The following TBC1D5 variants were observed in gnomAD, a reference collection of about 807,000 sequenced individuals.
TBC1D5 encodes TBC1 domain family, member 5.
In TBC1D5, 75 loss-of-function variants were observed where a neutral mutation model predicts 100.3. The observed-to-expected ratio is 0.75, with a 90% CI of 0.62 to 0.91. The LOEUF is 0.91. Among genes scored for constraint, TBC1D5 ranks in the 40% least tolerant of loss-of-function variants. The probability of loss-of-function intolerance (pLI) is 0.00; values close to 1 mark genes in which losing one functional copy is unlikely to be tolerated. For missense variants in TBC1D5, 910 were observed against 942.4 expected (o/e 0.97, Z 0.45); for synonymous variants, 323 against 325.6 (o/e 0.99, Z 0.09).
intron 13 of TBC1D5, among the ~76,000 whole-genome samples, chr3:17,319,998 G>A (rs1477655112): frequency 1.3e-5 from 2 of 152,228 alleles, no homozygotes; most frequent in Non-Finnish European, 2.9e-5. Flanking sequence ...TTATGGTTGT[G>A]TAGTATTCCA....
chr3:17,544,910 A>G (rs2153431910), intron 2 of TBC1D5, among the ~76,000 whole-genome samples: 1 of 152,324 alleles, frequency 6.6e-6, no homozygotes, highest in South Asian at 2.1e-4. Flanking sequence ...ACGTGGCATT[A>G]ATTACAAAGG....
intron 1 of TBC1D5, among the ~76,000 whole-genome samples, chr3:17,710,696 C>CTTAT (rs1166063616): frequency 6.6e-6 from 1 of 151,124 alleles, no homozygotes; most frequent in Non-Finnish European, 1.5e-5. Flanking sequence ...TATTTATTTA[C>CTTAT]TTATTTATTT....
chr3:17,500,975 T>C (rs2095781276), intron 3 of TBC1D5, among the ~76,000 whole-genome samples: 1 of 149,600 alleles, frequency 6.7e-6, no homozygotes, highest in South Asian at 2.1e-4. Context: ...CTCTCGGATG[T>C]CACTTTGTCC....
chr3:17,437,172 C>G (rs927959426), intron 3 of TBC1D5, among the ~76,000 whole-genome samples: 1 of 152,172 alleles, frequency 6.6e-6, no homozygotes, highest in Non-Finnish European at 1.5e-5. Context: ...GATAATGCAA[C>G]AAGAAGGCCC....
At chr3:17,308,218 T>A (rs534446962) in intron 13 of TBC1D5, 84 bp from the exon 14 acceptor site, 15 of 1,353,194 alleles carry the variant, frequency 1.1e-5, no homozygotes, top group South Asian at 1.8e-5. Context: ...TGTGAAAAAC[T>A]ATTAACTGAA....
chr3:17,603,712 C>T (rs1237680289), intron 2 of TBC1D5, among the ~76,000 whole-genome samples: 1 of 152,160 alleles, frequency 6.6e-6, no homozygotes, highest in African/African-American at 2.4e-5. Flanking sequence ...GTTGCCCAGG[C>T]TGGAGTGCAG....
intron 3 of TBC1D5, among the ~76,000 whole-genome samples, chr3:17,441,436 C>G (rs1002079320): frequency 6.6e-6 from 1 of 152,066 alleles, no homozygotes; most frequent in African/African-American, 2.4e-5. Context: ...ATTCTAACGA[C>G]AAGAAAAAAG....
In TBC1D5 at chr3:17,533,105, A is replaced by T. The variant is rs1470234343; in HGVS notation, c.-35-24500T>A. Among the ~76,000 whole-genome samples the T allele has an allele frequency of 4.8e-5, 7 of 146,660 alleles. No individual in the cohort carries two copies. In the East Asian group the frequency reaches 1.2e-3, roughly 24 times the overall value. On this transcript the variant is annotated intron_variant, in intron 2 of 21. Coordinates refer to ENST00000253692, the Ensembl canonical transcript of TBC1D5. ...CACACACACACACACACACACACAC[A>T]CTTCCAATTAGTTACCTAAACTATT...
rs1317470787 is a variant in TBC1D5 at position 17,630,969 on chromosome 3, G to A, written c.-100-7056C>T. ...TGAAGCAGGAGAATGGTGTGAACCC[G>A]GGAGGCAGACGTTGCAGTGAGCCGA... On this transcript the variant is annotated intron_variant, in intron 1 of 21. Coordinates refer to ENST00000253692, the Ensembl canonical transcript of TBC1D5. 3.2e-4 allele frequency among the ~76,000 whole-genome samples: 49 copies of A among 150,784 alleles called. 1 individual carries two copies. Among genetic ancestry groups the A allele is most frequent in the African/African-American group, 9.3e-4 (38 of 41,054 alleles).
chr3:17,549,020 A>G (rs910362820), intron 2 of TBC1D5, among the ~76,000 whole-genome samples: 16 of 152,238 alleles, frequency 1.1e-4, no homozygotes, highest in African/African-American at 3.9e-4. Flanking sequence ...AGTGGTGGCC[A>G]GGCAGGGTGG....
chr3:17,464,442 CTTTATTG>C (rs1013589249), intron 3 of TBC1D5, among the ~76,000 whole-genome samples: 1 of 152,086 alleles, frequency 6.6e-6, no homozygotes, highest in Non-Finnish European at 1.5e-5. Context: ...CTCCTTTCTC[CTTTATTG>C]GGAGAAATAC....
upstream of TBC1D5, among the ~76,000 whole-genome samples, chr3:17,741,808 T>C (rs1340177934): frequency 7.1e-6 from 1 of 141,286 alleles, no homozygotes; most frequent in Non-Finnish European, 1.5e-5. Flanking sequence ...GAATTTTTTT[T>C]TTTTTTTTTT....
chr3:17,159,353 G>C (rs1332734559), exon 22 of TBC1D5: 1 of 152,250 alleles, frequency 6.6e-6, no homozygotes, highest in African/African-American at 2.4e-5. Flanking sequence ...TTTGTCTATA[G>C]AGATATATAA....
Position 17,584,611 on chromosome 3 carries a change from G to T in TBC1D5, c.-36+39238C>A, listed in dbSNP as rs115426186. On this transcript the variant is annotated intron_variant, in intron 2 of 21. Coordinates refer to ENST00000253692, the Ensembl canonical transcript of TBC1D5. ...TGTAATAAACTTCATTTTTTAAATG[G>T]TGTATCAGTTCATCTCTGTATGACA... is the stretch of plus-strand genomic sequence containing the variant. Among the ~76,000 whole-genome samples, 1,070 of 152,108 alleles carry T rather than the reference G, an allele frequency of 7.0e-3. 8 individuals are homozygous for T. The highest frequency in any genetic ancestry group is 0.024 in the African/African-American group (1,005 of 41,466).
intron 1 of TBC1D5, among the ~76,000 whole-genome samples, chr3:17,692,347 C>A (rs2153831330): frequency 6.6e-6 from 1 of 152,282 alleles, no homozygotes; most frequent in South Asian, 2.1e-4. Context: ...CCGCCTCAGC[C>A]TCCCAAAGTG....
chr3:17,289,340 A>G (rs2150106494), intron 15 of TBC1D5, among the ~76,000 whole-genome samples: 1 of 152,120 alleles, frequency 6.6e-6, no homozygotes, highest in South Asian at 2.1e-4. Flanking sequence ...CCCAGGGCTG[A>G]GTGAGGCCCT....
chr3:17,285,409 C>A (rs1292482225), intron 15 of TBC1D5, among the ~76,000 whole-genome samples: 1 of 151,036 alleles, frequency 6.6e-6, no homozygotes. Context: ...TACAGGCGCC[C>A]GCTACCACGC....
At chr3:17,282,195 G>T (rs2080682808) in intron 15 of TBC1D5, among the ~76,000 whole-genome samples, 1 of 152,116 alleles carries the variant, frequency 6.6e-6, no homozygotes, top group Non-Finnish European at 1.5e-5. Context: ...TTTCCCTGGG[G>T]GTAAAATAGC....
chr3:17,680,945 G>T (rs2069368442), intron 1 of TBC1D5, among the ~76,000 whole-genome samples: 2 of 151,444 alleles, frequency 1.3e-5, no homozygotes, highest in Non-Finnish European at 2.9e-5. Context: ...ACACTTCCAT[G>T]AGAACAACCT....
Sources: gnomAD v4.1 joint callset for allele counts (sites outside exome capture counted in the v4.1 genomes callset) on GRCh38, gnomAD v4.1.1 for gene constraint, MANE v1.5 for transcripts, NCBI Gene and HGNC (gene_info 2026-07-23, HGNC 2026-07-21) for gene names.